CIRSR: variants seen among roughly 807,000 people sequenced by gnomAD.
The protein encoded by CIRSR is CBF1 (RBPJ) interacting corepressor 1.
the CIRSR span, among the ~76,000 whole-genome samples, chr2:174,364,376 T>A: frequency 6.6e-6 from 1 of 152,304 alleles, no homozygotes; most frequent in South Asian, 2.1e-4. Context: ...CACCTGCAGC[T>A]TTTCCAGGCA....
At chr2:174,356,387 G>T in the CIRSR span, among the ~76,000 whole-genome samples, 26 of 152,014 alleles carry the variant, frequency 1.7e-4, no homozygotes, top group Non-Finnish European at 3.5e-4. Context: ...AGGATCACTT[G>T]AACACAGGAG....
chr2:174,351,404 A>G, the CIRSR span, among the ~76,000 whole-genome samples: 1 of 152,246 alleles, frequency 6.6e-6, no homozygotes, highest in African/African-American at 2.4e-5. Context: ...ATAAACTCAG[A>G]GGAGCAGTTT....
chr2:174,354,656 T>A, the CIRSR span, among the ~76,000 whole-genome samples: 2 of 92,146 alleles, frequency 2.2e-5, no homozygotes, highest in African/African-American at 8.7e-5. Flanking sequence ...TTTTTATATA[T>A]TATATAATAT....
the CIRSR span, among the ~76,000 whole-genome samples, chr2:174,359,297 A>T: frequency 4.0e-5 from 6 of 151,438 alleles, no homozygotes; most frequent in South Asian, 4.2e-4. Flanking sequence ...ACATTTGTCA[A>T]ATTCAAACTC....
the CIRSR span, among the ~76,000 whole-genome samples, chr2:174,379,387 T>C: frequency 5.9e-5 from 9 of 152,208 alleles, no homozygotes; most frequent in African/African-American, 2.2e-4. Context: ...GTTTCAAATT[T>C]CAAAACCTGG....
At chr2:174,385,230 A>C in the CIRSR span, among the ~76,000 whole-genome samples, 10 of 151,696 alleles carry the variant, frequency 6.6e-5, no homozygotes, top group Admixed American at 2.0e-4. Context: ...AAAAAAAAAA[A>C]AAAAAAATTT....
chr2:174,378,569 A>G, the CIRSR span: 32 of 272,508 alleles, frequency 1.2e-4, no homozygotes, highest in Middle Eastern at 4.9e-3. Context: ...TGAGGCTTTC[A>G]GTACAGTCTA....
chr2:174,387,659 T>A, the CIRSR span: 1 of 1,564,442 alleles, frequency 6.4e-7, no homozygotes, highest in Non-Finnish European at 8.7e-7. Flanking sequence ...TAATTCTAGA[T>A]ATACTGGCAT....
chr2:174,380,089 A>G, the CIRSR span: 1 of 642,592 alleles, frequency 1.6e-6, no homozygotes, highest in South Asian at 2.4e-5. Context: ...ATTATCTGAT[A>G]CAAATAAAAA....
At chr2:174,349,690 G>A in the CIRSR span, among the ~76,000 whole-genome samples, 2 of 151,150 alleles carry the variant, frequency 1.3e-5, no homozygotes, top group Non-Finnish European at 2.9e-5. Context: ...AAAATTAAAT[G>A]CATCAAGCCA....
At chr2:174,371,125 G>C in the CIRSR span, among the ~76,000 whole-genome samples, 1 of 152,128 alleles carries the variant, frequency 6.6e-6, no homozygotes, top group Non-Finnish European at 1.5e-5. Flanking sequence ...GTTGCCTGAG[G>C]CTGGGGACTA....
At chr2:174,369,518 G>C in the CIRSR span, among the ~76,000 whole-genome samples, 1 of 152,164 alleles carries the variant, frequency 6.6e-6, no homozygotes, top group Non-Finnish European at 1.5e-5. Flanking sequence ...TAGCTAATTG[G>C]TGTAGGAGGC....
the CIRSR span, chr2:174,370,032 G>A: frequency 1.5e-6 from 2 of 1,364,156 alleles, no homozygotes; most frequent in African/African-American, 3.0e-5. Flanking sequence ...GGGCAAGAAA[G>A]TGAAGCATGA....
At chr2:174,380,565 T>A in the CIRSR span, 1 of 1,253,476 alleles carries the variant, frequency 8.0e-7, no homozygotes. Context: ...CCTCCTCTAA[T>A]GATTGAAAAA....
At chr2:174,361,988 T>A in the CIRSR span, among the ~76,000 whole-genome samples, 1 of 152,140 alleles carries the variant, frequency 6.6e-6, no homozygotes, top group Non-Finnish European at 1.5e-5. Flanking sequence ...TTTGAAAAAA[T>A]TAGCTAAATT....
chr2:174,364,201 G>A, the CIRSR span, among the ~76,000 whole-genome samples: 3 of 152,278 alleles, frequency 2.0e-5, no homozygotes, highest in East Asian at 1.9e-4. Context: ...AATCCAGCAG[G>A]ACGGTCAAAT....
the CIRSR span, among the ~76,000 whole-genome samples, chr2:174,357,450 T>G: frequency 6.6e-6 from 1 of 152,242 alleles, no homozygotes; most frequent in Non-Finnish European, 1.5e-5. Context: ...TGTATGTTCT[T>G]GTAATCACTT....
the CIRSR span, among the ~76,000 whole-genome samples, chr2:174,368,491 G>GT: frequency 6.6e-6 from 1 of 152,306 alleles, no homozygotes; most frequent in Non-Finnish European, 1.5e-5. Context: ...CAAAAAAGTA[G>GT]TCTCAAGAGA....
At chr2:174,376,101 T>C in the CIRSR span, among the ~76,000 whole-genome samples, 3 of 152,208 alleles carry the variant, frequency 2.0e-5, no homozygotes, top group South Asian at 4.1e-4. Context: ...GCTCAAGCAA[T>C]CCTCCTGCCT....
Sources: allele counts gnomAD v4.1 joint callset (sites outside exome capture counted in the v4.1 genomes callset), GRCh38; gene constraint gnomAD v4.1.1; transcripts MANE v1.5; gene names NCBI Gene and HGNC (gene_info 2026-07-23, HGNC 2026-07-21).